Variants in POLR3E observed in about 807,000 individuals in gnomAD.
POLR3E encodes the protein DNA-directed RNA polymerase III subunit RPC5.
A neutral mutation model predicts 96.6 loss-of-function variants in POLR3E; 41 were observed. That is an observed-to-expected ratio of 0.42 (90% CI 0.33 to 0.55). The LOEUF (loss-of-function observed/expected upper bound fraction) is 0.55, where lower values mean the gene tolerates loss of function less well. POLR3E is among the 20% of genes least tolerant of loss of function. The pLI is 0.06. For synonymous variants in POLR3E, 396 were observed against 383.6 expected, an observed-to-expected ratio of 1.03 and a Z score of -0.38; for missense variants, 849 against 952.1, an observed-to-expected ratio of 0.89 and a Z score of 1.43.
chr16:22,322,536 C>T lies in POLR3E; in HGVS notation c.987-314C>T, dbSNP rs1169303372. Among the ~76,000 whole-genome samples the T allele has an allele frequency of 6.6e-6, 1 of 152,094 alleles. No homozygotes were observed. The highest frequency in any genetic ancestry group is 1.5e-5 in the Non-Finnish European group (1 of 68,010). On this transcript the variant is annotated intron_variant, in intron 13 of 20. Transcript: ENST00000299853. The surrounding 1 kb of genome is among the most constrained non-coding windows in gnomAD (Gnocchi z 5.2). ...CAGAGTCCTGGGCTCCTTGAGGTCC[C>T]GGGCTGTTCCTCACCTTGTCTGTCT...
At position 22,324,334 on chromosome 16, in the gene POLR3E, T is replaced by C; in HGVS notation, c.1069-20T>C. The C allele has an allele frequency of 4.3e-6, 7 of 1,610,406 alleles. No homozygotes were observed. The highest frequency in any genetic ancestry group is 5.9e-6 in the Non-Finnish European group (7 of 1,178,020). On this transcript the variant is annotated intron_variant, in intron 14 of 20. Transcript: ENST00000299853. ...GCAGTCCGTGGCCGCCCCTGGAATG[T>C]GCTGCTTCTTCTCCCTCAGATGTGG...
Position 22,332,096 on chromosome 16 carries a change from T to C in POLR3E, c.1981T>C (p.Tyr661His). 1.2e-6 allele frequency: 2 copies of C among 1,613,946 alleles called. No homozygotes were observed. Among genetic ancestry groups the C allele is most frequent in the South Asian group, 1.1e-5 (1 of 91,074 alleles). Residue 661 changes from tyrosine (Y) to histidine (H), a missense_variant, in exon 20 of 21, where the codon TAC (tyrosine) becomes CAC (histidine). Coordinates refer to ENST00000299853, the MANE Select transcript of POLR3E (RefSeq NM_018119.4). ...TTTGCTTGAAATTTTTTCCAAAAAT[T>C]ACCGGGTACGCCGAAACATGATCCA... Reference protein sequence around the residue: ...QVLLEIFSKNYRVRRNMIQSR... With the variant: ...QVLLEIFSKNHRVRRNMIQSR...
intron 3 of POLR3E, among the ~76,000 whole-genome samples, chr16:22,307,511 T>G (rs772254321): frequency 1.3e-5 from 2 of 152,110 alleles, no homozygotes; most frequent in African/African-American, 4.8e-5. Context: ...AGAGGGACAG[T>G]GTACTGTGAG....
At chr16:22,312,856 A>G (rs534379636) in intron 6 of POLR3E, among the ~76,000 whole-genome samples, 1 of 139,338 alleles carries the variant, frequency 7.2e-6, no homozygotes, top group Admixed American at 7.6e-5. Context: ...CCTGGGTGAC[A>G]GAGCGACACT....
intron 19 of POLR3E, 44 bp downstream of exon 19, chr16:22,328,631 T>G (rs1000154348): frequency 2.9e-5 from 45 of 1,548,642 alleles, no homozygotes; most frequent in Non-Finnish European, 3.7e-5. Flanking sequence ...GCCAGGGGGG[T>G]TTCCTGCAGC....
At chr16:22,326,412 G>A (rs2048596611) in intron 18 of POLR3E, 134 bp downstream of exon 18, 2 of 758,000 alleles carry the variant, frequency 2.6e-6, no homozygotes, top group Middle Eastern at 2.3e-4. Context: ...GTGTGACATG[G>A]GCAAGTCAGC....
intron 6 of POLR3E, among the ~76,000 whole-genome samples, chr16:22,311,268 C>CTTTTTTTTTT (rs57435708): frequency 9.1e-6 from 1 of 109,420 alleles, no homozygotes; most frequent in Non-Finnish European, 1.7e-5. Context: ...TGTGCCCAGC[C>CTTTTTTTTTT]TTTTTTTTTT....
At chr16:22,307,781 G>A (rs907815194) in intron 3 of POLR3E, among the ~76,000 whole-genome samples, 4 of 152,044 alleles carry the variant, frequency 2.6e-5, no homozygotes, top group African/African-American at 9.7e-5. Context: ...TTCTCTCCCC[G>A]GATGGCCTGT....
chr16:22,325,214 A>T lies in POLR3E; in HGVS notation c.1296A>T (p.Lys432Asn), dbSNP rs750669573. Residue 432 changes from lysine (K) to asparagine (N), a missense_variant, in exon 17 of 21, where the codon AAA becomes AAT. Coordinates refer to ENST00000299853, the MANE Select transcript of POLR3E (RefSeq NM_018119.4). ...TTACTCTTCTTTTCAGACTGGAAAA[A>T]GTCTATAATCTTGTAAAGGAAACCA... ...LWTGIQAKLEKVYNLVKETMP... is the reference protein window; with the variant it reads ...LWTGIQAKLENVYNLVKETMP... The T allele has an allele frequency of 6.2e-7, 1 of 1,612,854 alleles. No individual in the cohort carries two copies. Among genetic ancestry groups the T allele is most frequent in the East Asian group, 2.2e-5 (1 of 44,870 alleles).
In POLR3E at chr16:22,324,620, G is replaced by T. The variant is rs1598270111; in HGVS notation, c.1246G>T (p.Val416Phe). 2 of 1,613,736 alleles carry T rather than the reference G, an allele frequency of 1.2e-6. No individual in the cohort carries two copies. The highest frequency in any genetic ancestry group is 2.7e-5 in the African/African-American group (2 of 74,868). ...GTTCATCAAGAAGCACCCGGATGTG[G>T]TCCAGCGGCAGCACATGCTGTGGAC... ...GEFIKKHPDV[V>F]QRQHMLWTGI... Residue 416 changes from valine (V) to phenylalanine (F), a missense_variant, in exon 16 of 21, where the codon GTC becomes TTC. By Grantham distance (50) the Val-to-Phe change is conservative (BLOSUM62 -1). Transcript: ENST00000299853.
intron 20 of POLR3E, among the ~76,000 whole-genome samples, chr16:22,332,723 A>G (rs2048766848): frequency 6.6e-6 from 1 of 152,098 alleles, no homozygotes; most frequent in Non-Finnish European, 1.5e-5. Context: ...AGTAGAATCC[A>G]TTCTTAAATT....
At chr16:22,309,113 T>C (rs1389838856) in intron 5 of POLR3E, 73 bp downstream of exon 5, 2 of 1,040,362 alleles carry the variant, frequency 1.9e-6, no homozygotes, top group Non-Finnish European at 2.9e-6. Flanking sequence ...CTTAAAGACA[T>C]TGACCCCCTT....
Position 22,307,592 on chromosome 16 carries a change from C to T in POLR3E, c.88-556C>T, listed in dbSNP as rs563144345. ...TGAGCCATTCACATAAAGATAAGAG[C>T]GGGCCATGGCTGCCTGGCTCCCTTT... On this transcript the variant is annotated intron_variant, in intron 3 of 20. Transcript: ENST00000299853. Among the ~76,000 whole-genome samples the T allele has an allele frequency of 4.0e-4, 61 of 152,296 alleles. 1 individual carries two copies. The highest frequency in any genetic ancestry group is 7.8e-4 in the Admixed American group (12 of 15,302).
Position 22,324,757 on chromosome 16 carries a change from C to T in POLR3E, c.1286+97C>T, listed in dbSNP as rs912334537. On this transcript the variant is annotated intron_variant, in intron 16 of 20. Transcript: ENST00000299853. ...GGTGGATCCGAGCAATCTCTAGAAA[C>T]CCCACATCTGGGGAGAGCGCAGTTG... 10 of 1,354,396 alleles carry T rather than the reference C, an allele frequency of 7.4e-6. No individual in the cohort carries two copies. The Admixed American group carries it at 1.7e-4, about 23-fold the overall frequency. The allele number at this position is 1,354,396 out of a possible 1,614,324, so 83.9% of individuals were successfully genotyped here. A position where few individuals can be genotyped will look rare whatever the true frequency, so the allele number is the denominator to read the frequency against.
chr16:22,329,771 C>T (rs1233169694), intron 19 of POLR3E, among the ~76,000 whole-genome samples: 1 of 152,188 alleles, frequency 6.6e-6, no homozygotes, highest in Non-Finnish European at 1.5e-5. Flanking sequence ...ACCTGACTGC[C>T]ACCCCTCAGA....
rs754416299 is a variant in POLR3E, at chr16:22,318,865, G to A, written c.905G>A (p.Gly302Asp). 1.7e-5 allele frequency: 27 copies of A among 1,613,538 alleles called. No homozygotes were observed. The East Asian group carries it at 6.0e-4, about 36-fold the overall frequency. ...TTTGCCAACTTGATGAGCCTCCTGG[G>A]CCCCTCCATCGATTCCGTGGCTGTT... ...MPFANLMSLL[G>D]PSIDSVAVLR... Residue 302 changes from glycine (G) to aspartate (D), a missense_variant, in exon 13 of 21, where the codon GGC becomes GAC. Physicochemically the swap from Gly to Asp is moderately conservative, Grantham distance 94 (BLOSUM62 -1). Transcript: ENST00000299853. The surrounding 1 kb of genome is among the most constrained non-coding windows in gnomAD (Gnocchi z 5.0).
intron 13 of POLR3E, among the ~76,000 whole-genome samples, chr16:22,320,322 C>T (rs2048443905): frequency 6.6e-6 from 1 of 151,978 alleles, no homozygotes; most frequent in East Asian, 1.9e-4. Flanking sequence ...GGTGCAGTGG[C>T]ACAGTCTCAG....
chr16:22,328,474 A>ATAC (rs1226778532), intron 18 of POLR3E, 36 bp from the exon 19 acceptor site: 2 of 1,558,582 alleles, frequency 1.3e-6, no homozygotes, highest in Non-Finnish European at 8.9e-7. Context: ...CATGGGGTAG[A>ATAC]GATGGACAAG....
rs1216784811 is a variant in POLR3E at position 22,326,254 on chromosome 16, C to T, written c.1842C>T (p.Ala614=). 11 of 1,604,184 alleles carry T rather than the reference C, an allele frequency of 6.9e-6. No homozygotes were observed. The highest frequency in any genetic ancestry group is 3.4e-5 in the Admixed American group (2 of 58,534). The change falls in exon 18 of 21, where the codon GCC becomes GCT. Residue 614 remains alanine (A), a synonymous_variant. Transcript: ENST00000299853. The stretch of plus-strand genomic sequence containing the variant: ...TGCTACAGGACACGGTGCTGGCCGC[C>T]GGTTGCAAGCAGATACTGGTGCCTG... ...DRMLQDTVLA[A]GCKQILVPFP... is the part of the protein sequence containing the mutation.
Sources: allele counts gnomAD v4.1 joint callset (sites outside exome capture counted in the v4.1 genomes callset), GRCh38; gene constraint gnomAD v4.1.1; non-coding constraint Gnocchi (gnomAD v3.1); transcripts MANE v1.5; gene names NCBI Gene and HGNC (gene_info 2026-07-23, HGNC 2026-07-21).